Variants in MEIS2 observed in about 807,000 individuals in gnomAD.
MEIS2 encodes the protein homeobox protein Meis2.
In MEIS2, 9 loss-of-function variants were observed where a neutral mutation model predicts 58.6. The observed-to-expected ratio is 0.15, with a 90% CI of 0.09 to 0.27. The LOEUF is 0.27. Among genes scored for constraint, MEIS2 ranks in the 10% least tolerant of loss-of-function variants. The probability of loss-of-function intolerance (pLI) is 1.00; values close to 1 mark genes in which losing one functional copy is unlikely to be tolerated. For missense variants in MEIS2, 427 were observed against 635.0 expected, an observed-to-expected ratio of 0.67 and a Z score of 3.52; for synonymous variants, 221 against 228.4, an observed-to-expected ratio of 0.97 and a Z score of 0.29.
At chr15:36,959,499 T>C (rs1189037554) in intron 8 of MEIS2, among the ~76,000 whole-genome samples, 1 of 152,132 alleles carries the variant, frequency 6.6e-6, no homozygotes, top group East Asian at 1.9e-4. Context: ...CTAATCAAGT[T>C]TGAAAAGGTG....
intron 9 of MEIS2, among the ~76,000 whole-genome samples, chr15:36,910,192 C>T (rs1033138563): frequency 6.6e-6 from 1 of 151,954 alleles, no homozygotes; most frequent in African/African-American, 2.4e-5. Flanking sequence ...GGCAACAGAG[C>T]CAGAACTTGT....
At chr15:36,950,278 C>A in intron 9 of MEIS2, 46 bp downstream of exon 9, 4 of 1,414,274 alleles carry the variant, frequency 2.8e-6, no homozygotes, top group Non-Finnish European at 3.9e-6. Context: ...ATTTAGAAAT[C>A]TCATTTTAGC....
At chr15:36,902,615 G>A (rs539653892) in intron 9 of MEIS2, among the ~76,000 whole-genome samples, 66 of 152,312 alleles carry the variant, frequency 4.3e-4, no homozygotes, top group South Asian at 3.7e-3. Flanking sequence ...AGGGATTTAT[G>A]TACATTTAAG....
Position 36,996,068 on chromosome 15 carries a change from T to C in MEIS2, c.900+40746A>G, listed in dbSNP as rs750807017. ...ACACATATATATATACACACACATA[T>C]ATATATATATATTTTTAAATATTGG... On this transcript the variant is annotated intron_variant, in intron 8 of 11. Transcript: ENST00000561208. Among the ~76,000 whole-genome samples the C allele has an allele frequency of 6.1e-3, 891 of 145,716 alleles. 9 individuals are homozygous for C. The highest frequency in any genetic ancestry group is 0.013 in the South Asian group (60 of 4,650).
chr15:37,099,602 AT>A lies in MEIS2; in HGVS notation c.-137del. 3.1e-6 allele frequency: 4 copies of A among 1,273,466 alleles called. No individual in the cohort carries two copies. The highest frequency in any genetic ancestry group is 4.3e-6 in the Non-Finnish European group (4 of 934,932). 78.9% of individuals were successfully genotyped at this position (1,273,466 alleles called of 1,614,324 possible). A position where few individuals can be genotyped will look rare whatever the true frequency, so the allele number is the denominator to read the frequency against. ...ACTTCTCCCAATTCTCCAATATGCTATTTTTTAGGGGGGAAAAAAAGCCCAG... is the reference window on the plus strand; with the variant it reads ...ACTTCTCCCAATTCTCCAATATGCTATTTTTAGGGGGGAAAAAAAGCCCAG... On this transcript the variant is annotated 5_prime_UTR_variant, in exon 1 of 12. Transcript: ENST00000561208.
chr15:37,027,897 G>A (rs1187536018), intron 8 of MEIS2, among the ~76,000 whole-genome samples: 3 of 151,924 alleles, frequency 2.0e-5, no homozygotes, highest in African/African-American at 4.8e-5. Flanking sequence ...ACCCCCTACC[G>A]GAGTAGCACA....
chr15:36,987,581 G>A (rs2060134518), intron 8 of MEIS2, among the ~76,000 whole-genome samples: 2 of 152,070 alleles, frequency 1.3e-5, no homozygotes, highest in African/African-American at 2.4e-5. Flanking sequence ...TCATGGGCTG[G>A]GGTGAAATTA....
intron 9 of MEIS2, among the ~76,000 whole-genome samples, chr15:36,949,228 G>T (rs1293369716): frequency 7.9e-5 from 12 of 151,778 alleles, no homozygotes; most frequent in Admixed American, 7.9e-4. Flanking sequence ...GACAGATAAG[G>T]CAGACAAACT....
At chr15:36,972,292 T>C (rs2059596611) in intron 8 of MEIS2, among the ~76,000 whole-genome samples, 2 of 152,216 alleles carry the variant, frequency 1.3e-5, no homozygotes, top group African/African-American at 4.8e-5. Context: ...ACATCCTGAC[T>C]AGCTGGTGAG....
intron 7 of MEIS2, among the ~76,000 whole-genome samples, chr15:37,071,200 G>A (rs895368451): frequency 6.6e-6 from 1 of 152,106 alleles, no homozygotes; most frequent in East Asian, 1.9e-4. Context: ...GTGGGGGCTA[G>A]AAGAGGGAGG....
In MEIS2 at chr15:36,910,501, G is replaced by A. The variant is rs183708917; in HGVS notation, c.978-13815C>T. On this transcript the variant is annotated intron_variant, in intron 9 of 11. Transcript: ENST00000561208. ...GTTGTTCAGATTTTGAGGGGCACTC[G>A]GGTTCCAAGGATGTGAAAAGAAAAT... Among the ~76,000 whole-genome samples the A allele has an allele frequency of 2.6e-3, 391 of 152,166 alleles. 1 individual carries two copies. Among genetic ancestry groups the A allele is most frequent in the Non-Finnish European group, 4.0e-3 (273 of 68,006 alleles).
At chr15:37,044,554 T>C (rs894640430) in intron 7 of MEIS2, among the ~76,000 whole-genome samples, 2 of 152,232 alleles carry the variant, frequency 1.3e-5, no homozygotes, top group African/African-American at 2.4e-5. Context: ...CAAGATTCCA[T>C]ACCTTTAATC....
chr15:36,972,231 T>C (rs2059594878), intron 8 of MEIS2, among the ~76,000 whole-genome samples: 1 of 152,202 alleles, frequency 6.6e-6, no homozygotes, highest in Admixed American at 6.5e-5. Context: ...AGGAAGAGAA[T>C]GAACCTTAAG....
At chr15:37,076,954 A>G (rs749385902) in intron 7 of MEIS2, among the ~76,000 whole-genome samples, 12 of 152,062 alleles carry the variant, frequency 7.9e-5, no homozygotes, top group Middle Eastern at 6.8e-3. Context: ...TTCAATTTAT[A>G]TTTCTCCTTG....
At position 36,890,745 on chromosome 15, in the gene MEIS2, A is replaced by C. The variant is rs1256504872; in HGVS notation, c.*1428T>G. ...TGAAAAGCTTTATCTGAAAGTATAT[A>C]TTTTTTAACGTCATGCATCTAAAAA... On this transcript the variant is annotated 3_prime_UTR_variant, in exon 12 of 12. Transcript: ENST00000561208. 6.6e-6 allele frequency: 1 copy of C among 152,152 alleles called. No homozygotes were observed. The highest frequency in any genetic ancestry group is 1.5e-5 in the Non-Finnish European group (1 of 68,000). 9.4% of individuals were successfully genotyped at this position (152,152 alleles called of 1,614,324 possible).
At chr15:37,092,701 T>C (rs1199698990) in intron 6 of MEIS2, among the ~76,000 whole-genome samples, 2 of 38,398 alleles carry the variant, frequency 5.2e-5, no homozygotes, top group African/African-American at 2.1e-4. Flanking sequence ...ATATGCTTTT[T>C]TTTTTTTTTT....
chr15:36,922,130 A>C (rs1190017579), intron 9 of MEIS2, among the ~76,000 whole-genome samples: 1 of 152,230 alleles, frequency 6.6e-6, no homozygotes, highest in African/African-American at 2.4e-5. Context: ...GCACATAGAA[A>C]AGAACTGGAA....
At chr15:37,022,167 T>C (rs918235535) in intron 8 of MEIS2, among the ~76,000 whole-genome samples, 1 of 152,140 alleles carries the variant, frequency 6.6e-6, no homozygotes, top group Non-Finnish European at 1.5e-5. Flanking sequence ...TTTTTAGTTG[T>C]TTTCTTTTTT....
At chr15:37,053,163 G>T (rs1357423234) in intron 7 of MEIS2, among the ~76,000 whole-genome samples, 2 of 152,238 alleles carry the variant, frequency 1.3e-5, no homozygotes, top group African/African-American at 4.8e-5. Context: ...GCCTATGAGA[G>T]AAGTAACATC....
Sources: gnomAD v4.1 joint callset for allele counts (sites outside exome capture counted in the v4.1 genomes callset) on GRCh38, gnomAD v4.1.1 for gene constraint, MANE v1.5 for transcripts, NCBI Gene and HGNC (gene_info 2026-07-23, HGNC 2026-07-21) for gene names.